HEATR5A: variants seen among roughly 807,000 people sequenced by gnomAD.
HEATR5A encodes the protein HEAT repeat-containing protein 5A.
Under a neutral mutation model 218.8 loss-of-function variants are expected in HEATR5A, and 178 were observed. The observed-to-expected ratio is 0.81, with a 90% confidence interval of 0.72 to 0.92. HEATR5A has a LOEUF of 0.92. Ranked by LOEUF, HEATR5A falls within the 40% of genes least tolerant of loss-of-function variation. The pLI is 0.00. For missense variants in HEATR5A, 2,420 were observed against 2,418.9 expected (o/e 1.00, Z -0.01); for synonymous variants, 864 against 871.6 (o/e 0.99, Z 0.15).
At chr14:31,380,379 G>T in intron 11 of HEATR5A, 88 bp downstream of exon 11, 1 of 836,412 alleles carries the variant, frequency 1.2e-6, no homozygotes, top group Non-Finnish European at 1.9e-6. Context: ...TGTATTAAAA[G>T]TTCATTTCAT....
intron 32 of HEATR5A, 57 bp downstream of exon 32, chr14:31,304,848 T>A: frequency 6.4e-7 from 1 of 1,556,160 alleles, no homozygotes. Context: ...GACTCCATTA[T>A]CTATTAAAAC....
At chr14:31,325,130 C>T (rs1046913330) in intron 23 of HEATR5A, among the ~76,000 whole-genome samples, 6 of 152,100 alleles carry the variant, frequency 3.9e-5, no homozygotes, top group Non-Finnish European at 7.4e-5. Flanking sequence ...ATTTTCTCTT[C>T]TATAAAACAG....
chr14:31,411,744 C>G (rs2031280820), intron 1 of HEATR5A, among the ~76,000 whole-genome samples: 2 of 152,024 alleles, frequency 1.3e-5, no homozygotes, highest in South Asian at 4.1e-4. Context: ...TTTTTCCCAG[C>G]CAGGAATCTC....
intron 11 of HEATR5A, 58 bp from the exon 12 acceptor site, chr14:31,375,026 C>T: frequency 7.1e-7 from 1 of 1,402,486 alleles, no homozygotes; most frequent in Non-Finnish European, 9.6e-7. Flanking sequence ...CTCTTTAAAA[C>T]TCTATTATTA....
At chr14:31,368,435 T>A (rs916163541) in intron 13 of HEATR5A, among the ~76,000 whole-genome samples, 7 of 152,116 alleles carry the variant, frequency 4.6e-5, no homozygotes, top group African/African-American at 1.7e-4. Flanking sequence ...CCTAGCTCAC[T>A]CCAAATAGAA....
chr14:31,316,673 G>A (rs1275147253), intron 26 of HEATR5A, among the ~76,000 whole-genome samples: 2 of 152,118 alleles, frequency 1.3e-5, no homozygotes, highest in Non-Finnish European at 2.9e-5. Context: ...TCAAGCTATG[G>A]TTTTTCCAGG....
chr14:31,391,399 A>G (rs2030448391), intron 6 of HEATR5A, among the ~76,000 whole-genome samples: 1 of 152,172 alleles, frequency 6.6e-6, no homozygotes. Flanking sequence ...TTGGCCTCCC[A>G]AAGTGCTGGG....
At chr14:31,386,682 G>C (rs1957049245) in intron 8 of HEATR5A, 107 bp from the exon 9 acceptor site, 1 of 895,942 alleles carries the variant, frequency 1.1e-6, no homozygotes, top group Non-Finnish European at 1.7e-6. Context: ...ACATACACTT[G>C]ATCTATATGA....
At chr14:31,370,072 A>G (rs980458485) in intron 13 of HEATR5A, among the ~76,000 whole-genome samples, 10 of 151,926 alleles carry the variant, frequency 6.6e-5, no homozygotes, top group Admixed American at 6.6e-4. Context: ...TAAAAATACA[A>G]AAAATTAGCC....
intron 13 of HEATR5A, among the ~76,000 whole-genome samples, chr14:31,367,709 T>C (rs1290976879): frequency 6.6e-6 from 1 of 151,000 alleles, no homozygotes; most frequent in Non-Finnish European, 1.5e-5. Flanking sequence ...TGAGCCACTG[T>C]GCCCAGCCCC....
intron 33 of HEATR5A, among the ~76,000 whole-genome samples, chr14:31,301,586 A>C (rs539910442): frequency 6.6e-6 from 1 of 152,214 alleles, no homozygotes; most frequent in South Asian, 2.1e-4. Flanking sequence ...TCCTGGGTTT[A>C]AGCAATCCTC....
At chr14:31,408,277 CT>C (rs1245328740) in intron 1 of HEATR5A, among the ~76,000 whole-genome samples, 5 of 152,152 alleles carry the variant, frequency 3.3e-5, no homozygotes, top group Non-Finnish European at 7.3e-5. Context: ...AAGCATATTA[CT>C]ATGCTAGAGG....
chr14:31,342,606 A>G (rs1355567867), intron 21 of HEATR5A, among the ~76,000 whole-genome samples: 1 of 152,160 alleles, frequency 6.6e-6, no homozygotes, highest in Non-Finnish European at 1.5e-5. Context: ...GACTTCCCTA[A>G]AGGTGCACAG....
chr14:31,373,557 C>T (rs1902117263), intron 12 of HEATR5A, among the ~76,000 whole-genome samples: 1 of 152,142 alleles, frequency 6.6e-6, no homozygotes, highest in Non-Finnish European at 1.5e-5. Context: ...TCTCAAACTC[C>T]TGACCTCAGG....
At chr14:31,364,011 T>C (rs527859154) in intron 14 of HEATR5A, among the ~76,000 whole-genome samples, 178 bp downstream of exon 14, 2 of 152,244 alleles carry the variant, frequency 1.3e-5, no homozygotes, top group Non-Finnish European at 2.9e-5. Context: ...CCGAATGTTT[T>C]TTTTACTATA....
At chr14:31,385,918 G>A (rs1433563312) in intron 9 of HEATR5A, among the ~76,000 whole-genome samples, 1 of 151,916 alleles carries the variant, frequency 6.6e-6, no homozygotes, top group African/African-American at 2.4e-5. Context: ...AGTAGAGACG[G>A]GGTTTTGCCA....
Position 31,313,141 on chromosome 14 carries a change from T to A in HEATR5A, c.4268A>T (p.Lys1423Met). 6.2e-7 allele frequency: 1 copy of A among 1,613,960 alleles called. No homozygotes were observed. The highest frequency in any genetic ancestry group is 8.5e-7 in the Non-Finnish European group (1 of 1,179,818). The change falls in exon 28 of 36, where the codon AAG (lysine) becomes ATG (methionine). Residue 1423 changes from lysine to methionine, a missense_variant. Transcript: ENST00000543095. Reference protein sequence around the residue: ...QRHKNHRQPLKTTTCLEDGIR... With the variant: ...QRHKNHRQPLMTTTCLEDGIR... ...ACCGTCTTCTAAACAGGTGGTAGTCTTCAAAGGTTGTCTGTGGTTTTTATG... is the reference window on the plus strand; with the variant it reads ...ACCGTCTTCTAAACAGGTGGTAGTCATCAAAGGTTGTCTGTGGTTTTTATG...
At chr14:31,372,980 C>T (rs1471984221) in intron 12 of HEATR5A, among the ~76,000 whole-genome samples, 1 of 143,788 alleles carries the variant, frequency 7.0e-6, no homozygotes, top group Non-Finnish European at 1.5e-5. Context: ...TCACTGTTAC[C>T]CAGGCTGGAA....
rs772974525 is a variant in HEATR5A, at chr14:31,388,992, T to C, written c.786A>G (p.Gln262=). The change falls in exon 7 of 36, where the codon CAA becomes CAG. Residue 262 remains glutamine, a synonymous_variant. Transcript: ENST00000543095. The part of the protein sequence containing the change: ...SKHPGTAASR[Q]SIRRVSLEEV... ...CCTCCAAAGATACTCTGCGAATGCT[T>C]TGACGTGAGGCTGCTATGACAAAGA... is the stretch of plus-strand genomic sequence containing the variant. 5.0e-6 allele frequency: 8 copies of C among 1,611,726 alleles called. No homozygotes were observed. Among genetic ancestry groups the C allele is most frequent in the Non-Finnish European group, 6.8e-6 (8 of 1,178,682 alleles).
Sources: gnomAD v4.1 joint callset for allele counts (sites outside exome capture counted in the v4.1 genomes callset) on GRCh38, gnomAD v4.1.1 for gene constraint, MANE v1.5 for transcripts, NCBI Gene and HGNC (gene_info 2026-07-23, HGNC 2026-07-21) for gene names.